NEGR1: variants seen among roughly 807,000 people sequenced by gnomAD.
NEGR1 encodes neuronal growth regulator 1.
In NEGR1, 10 loss-of-function variants were observed where a neutral mutation model predicts 40.9. The ratio of observed to expected loss-of-function variants is 0.24; its 90% confidence interval spans 0.15 to 0.42. The LOEUF (loss-of-function observed/expected upper bound fraction) is 0.42, where lower values mean the gene tolerates loss of function less well. NEGR1 is among the 10% of genes least tolerant of loss of function. The pLI, the probability that NEGR1 is intolerant of heterozygous loss-of-function variation, is 1.00. For missense variants in NEGR1, 352 were observed against 438.9 expected (o/e 0.80, Z 1.77); for synonymous variants, 185 against 166.8 (o/e 1.11, Z -0.84).
chr1:71,669,641 T>C (rs552598718), intron 4 of NEGR1, among the ~76,000 whole-genome samples: 1 of 151,864 alleles, frequency 6.6e-6, no homozygotes, highest in East Asian at 2.0e-4. Flanking sequence ...TGCCACCATA[T>C]ATTTTAATGC....
chr1:71,924,681 T>C (rs2101886210), intron 2 of NEGR1, among the ~76,000 whole-genome samples: 1 of 152,338 alleles, frequency 6.6e-6, no homozygotes, highest in Non-Finnish European at 1.5e-5. Context: ...TGTAGCTAAC[T>C]CTGTCCCATG....
At chr1:71,753,738 A>G (rs1400195144) in intron 3 of NEGR1, among the ~76,000 whole-genome samples, 2 of 152,078 alleles carry the variant, frequency 1.3e-5, no homozygotes, top group Non-Finnish European at 2.9e-5. Context: ...GTAGATTTCT[A>G]ATTTGTAATT....
chr1:71,658,323 T>C (rs1157525882), intron 4 of NEGR1, among the ~76,000 whole-genome samples: 3 of 152,260 alleles, frequency 2.0e-5, no homozygotes, highest in Non-Finnish European at 4.4e-5. Flanking sequence ...TAAAATGAGC[T>C]TCTTTCTGTT....
chr1:72,084,467 T>C (rs1375096767), intron 1 of NEGR1, among the ~76,000 whole-genome samples: 1 of 152,196 alleles, frequency 6.6e-6, no homozygotes, highest in Non-Finnish European at 1.5e-5. Context: ...CTGAATTATT[T>C]TTCAACTGTA....
At chr1:71,771,257 A>G (rs1269579663) in intron 3 of NEGR1, among the ~76,000 whole-genome samples, 5 of 152,144 alleles carry the variant, frequency 3.3e-5, no homozygotes. Flanking sequence ...CAACGAGAAC[A>G]TGGACACAGG....
intron 1 of NEGR1, among the ~76,000 whole-genome samples, chr1:72,125,542 T>A (rs1428803150): frequency 2.0e-5 from 3 of 152,064 alleles, no homozygotes; most frequent in Non-Finnish European, 4.4e-5. Context: ...CACATTATTA[T>A]GAAATGTCAG....
At chr1:72,183,593 A>G (rs1570093547) in intron 1 of NEGR1, among the ~76,000 whole-genome samples, 1 of 152,228 alleles carries the variant, frequency 6.6e-6, no homozygotes, top group East Asian at 1.9e-4. Flanking sequence ...GAAACACTAT[A>G]AACAAATGAT....
intron 6 of NEGR1, among the ~76,000 whole-genome samples, chr1:71,502,915 T>G (rs1441748887): frequency 6.6e-6 from 1 of 152,148 alleles, no homozygotes; most frequent in Non-Finnish European, 1.5e-5. Flanking sequence ...GCAGCGATTC[T>G]TGGGGTGTGC....
intron 6 of NEGR1, among the ~76,000 whole-genome samples, chr1:71,436,503 G>T (rs775478314): frequency 6.6e-6 from 1 of 152,084 alleles, no homozygotes; most frequent in Non-Finnish European, 1.5e-5. Context: ...ACCCTTCCAT[G>T]ACACAATCAC....
intron 1 of NEGR1, among the ~76,000 whole-genome samples, chr1:72,264,371 C>A (rs1655567926): frequency 6.6e-6 from 1 of 150,662 alleles, no homozygotes; most frequent in African/African-American, 2.4e-5. Context: ...TTTTAAGATA[C>A]AAATATTATT....
intron 1 of NEGR1, among the ~76,000 whole-genome samples, chr1:72,065,472 G>T (rs11805037): frequency 0.015 from 2,281 of 152,060 alleles, 53 homozygotes; most frequent in African/African-American, 0.052. Context: ...ATTTGAAATA[G>T]ACAAACAAAC....
At chr1:71,439,362 T>C (rs1646531650) in intron 6 of NEGR1, among the ~76,000 whole-genome samples, 2 of 152,104 alleles carry the variant, frequency 1.3e-5, no homozygotes, top group African/African-American at 4.8e-5. Flanking sequence ...AATGTTTTTG[T>C]TTGTTCGTTT....
intron 6 of NEGR1, among the ~76,000 whole-genome samples, chr1:71,437,637 A>G (rs943803321): frequency 3.9e-5 from 6 of 152,174 alleles, no homozygotes; most frequent in Admixed American, 3.3e-4. Flanking sequence ...ATGTTCATCT[A>G]TGTATTTATA....
chr1:71,730,892 G>A (rs1654840528), intron 3 of NEGR1, among the ~76,000 whole-genome samples: 1 of 148,940 alleles, frequency 6.7e-6, no homozygotes, highest in Non-Finnish European at 1.5e-5. Context: ...GTGTGTGTGT[G>A]TGTGTGTGTG....
At chr1:72,114,232 AAT>A (rs1455934697) in intron 1 of NEGR1, among the ~76,000 whole-genome samples, 1 of 151,524 alleles carries the variant, frequency 6.6e-6, no homozygotes, top group Admixed American at 6.6e-5. Context: ...TACCCTCCAT[AAT>A]ATGGTCAACC....
At chr1:72,044,884 TAGAGG>T (rs1238146081) in intron 1 of NEGR1, among the ~76,000 whole-genome samples, 1 of 151,848 alleles carries the variant, frequency 6.6e-6, no homozygotes, top group African/African-American at 2.4e-5. Flanking sequence ...CCAGAAAGAA[TAGAGG>T]AAATTCAGCA....
chr1:71,442,507 A>C lies in NEGR1; in HGVS notation c.941-34937T>G, dbSNP rs372496943. ...CATGCGCCTGTAATCCCAGCTTCTC[A>C]GGAGGCTGAGGCAGGAGAATCACCT... On this transcript the variant is annotated intron_variant, in intron 6 of 6. Coordinates refer to ENST00000357731, the MANE Select transcript of NEGR1 (RefSeq NM_173808.3). Among the ~76,000 whole-genome samples, 2 of 152,064 alleles carry C rather than the reference A, an allele frequency of 1.3e-5. 1 individual carries two copies. Among genetic ancestry groups the C allele is most frequent in the East Asian group, 3.9e-4 (2 of 5,190 alleles).
chr1:71,520,411 C>A (rs1387562947), intron 6 of NEGR1, among the ~76,000 whole-genome samples: 1 of 151,970 alleles, frequency 6.6e-6, no homozygotes, highest in Non-Finnish European at 1.5e-5. Flanking sequence ...TTGCTCTTTT[C>A]GAAGCAAACT....
intron 4 of NEGR1, among the ~76,000 whole-genome samples, chr1:71,638,552 TG>T (rs1651238767): frequency 6.6e-6 from 1 of 152,098 alleles, no homozygotes; most frequent in East Asian, 1.9e-4. Context: ...GGACATCAAT[TG>T]AGCATGTAGT....
Sources: gnomAD v4.1 joint callset for allele counts (sites outside exome capture counted in the v4.1 genomes callset) on GRCh38, gnomAD v4.1.1 for gene constraint, MANE v1.5 for transcripts, NCBI Gene and HGNC (gene_info 2026-07-23, HGNC 2026-07-21) for gene names.